The following PARP16 variants were observed in gnomAD, a reference collection of about 807,000 sequenced individuals.
PARP16 encodes protein mono-ADP-ribosyltransferase PARP16.
PARP16 carries 31 observed loss-of-function variants against 35.0 expected under a neutral mutation model. The ratio of observed to expected loss-of-function variants is 0.88; its 90% CI spans 0.66 to 1.19. The LOEUF (loss-of-function observed/expected upper bound fraction) is 1.19, where lower values mean the gene tolerates loss of function less well. Ranked by LOEUF, PARP16 falls within the 50% of genes most tolerant of loss-of-function variation. The pLI, the probability that PARP16 is intolerant of heterozygous loss-of-function variation, is 0.00. For synonymous variants in PARP16, 162 were observed against 169.5 expected (o/e 0.96, Z 0.34); for missense variants, 424 against 411.2 (o/e 1.03, Z -0.27).
At position 65,258,728 on chromosome 15, in the gene PARP16, G is replaced by C. The variant is rs1203200678; in HGVS notation, c.*679C>G. ...CAGCAGTTGGTAATTTTTGGAAAAA[G>C]AGCAGTTTTCTCATCTTGAGTTGCT... On this transcript the variant is annotated 3_prime_UTR_variant, in exon 6 of 6. Transcript: ENST00000649807. 2 of 152,558 alleles carry C rather than the reference G, an allele frequency of 1.3e-5. No homozygotes were observed. Among genetic ancestry groups the C allele is most frequent in the African/African-American group, 4.8e-5 (2 of 41,418 alleles). The allele number at this position is 152,558 out of a possible 1,614,324, so 9.5% of individuals were successfully genotyped here.
chr15:65,255,547 CAG>C (rs1413261901), downstream of PARP16, among the ~76,000 whole-genome samples: 3 of 152,004 alleles, frequency 2.0e-5, no homozygotes, highest in African/African-American at 2.4e-5. Flanking sequence ...CTCTAGACTC[CAG>C]AGTTTTCCTT....
At chr15:65,264,847 T>C (rs1019819232) in intron 3 of PARP16, among the ~76,000 whole-genome samples, 3 of 152,124 alleles carry the variant, frequency 2.0e-5, no homozygotes, top group South Asian at 4.1e-4. Context: ...AGAGGGGCCA[T>C]AGGAGGATTG....
rs866509840 is a variant in PARP16, at chr15:65,260,804, G to C, written c.833+81C>G. The C allele has an allele frequency of 4.6e-6, 6 of 1,304,300 alleles. No homozygotes were observed. In the Middle Eastern group the frequency reaches 1.1e-3, roughly 229 times the overall value. 80.8% of individuals were successfully genotyped at this position (1,304,300 alleles called of 1,614,324 possible). A position where few individuals can be genotyped will look rare whatever the true frequency, so the allele number is the denominator to read the frequency against. The stretch of plus-strand genomic sequence containing the variant: ...GACATCTAGCGGAGGTCTAAGGCTG[G>C]GGGAGGGGAGGCTGATACCTACAAC... On this transcript the variant is annotated intron_variant, in intron 5 of 5. Coordinates refer to ENST00000649807, the MANE Select transcript of PARP16 (RefSeq NM_001316943.2).
intron 3 of PARP16, 108 bp from the exon 4 acceptor site, chr15:65,263,428 A>AC: frequency 1.2e-6 from 1 of 866,126 alleles, no homozygotes; most frequent in Non-Finnish European, 1.7e-6. Flanking sequence ...AAAATGTACA[A>AC]CCCCCGCTTT....
chr15:65,265,189 G>A lies in PARP16; in HGVS notation c.519+1373C>T, dbSNP rs1179833840. Among the ~76,000 whole-genome samples the A allele has an allele frequency of 2.4e-4, 37 of 152,216 alleles. 1 individual carries two copies. Among genetic ancestry groups the A allele is most frequent in the Admixed American group, 2.4e-3 (37 of 15,280 alleles). On this transcript the variant is annotated intron_variant, in intron 3 of 5. Transcript: ENST00000649807. ...CATGGAGCCAGCTCCTCACAGACAAGGCAGATACTGCCATGACTGGGGGAA... is the reference window on the plus strand; with the variant it reads ...CATGGAGCCAGCTCCTCACAGACAAAGCAGATACTGCCATGACTGGGGGAA...
At chr15:65,272,666 C>T (rs537847153) in intron 1 of PARP16, among the ~76,000 whole-genome samples, 1 of 152,292 alleles carries the variant, frequency 6.6e-6, no homozygotes, top group South Asian at 2.1e-4. Flanking sequence ...CAAGTATGGC[C>T]AGACACCTGG....
At chr15:65,250,189 C>G (rs2089323636) in intron 2 of PARP16, among the ~76,000 whole-genome samples, 1 of 148,506 alleles carries the variant, frequency 6.7e-6, no homozygotes, top group Non-Finnish European at 1.5e-5. Context: ...GCGACCTCAG[C>G]TCACTGCAAC....
At chr15:65,274,975 G>A (rs2090203560) in intron 1 of PARP16, among the ~76,000 whole-genome samples, 1 of 152,106 alleles carries the variant, frequency 6.6e-6, no homozygotes, top group Non-Finnish European at 1.5e-5. Flanking sequence ...AGTTAGATGG[G>A]CGTGGTGGCA....
At chr15:65,277,874 A>T (rs2090302903) in intron 1 of PARP16, among the ~76,000 whole-genome samples, 1 of 152,236 alleles carries the variant, frequency 6.6e-6, no homozygotes, top group South Asian at 2.1e-4. Flanking sequence ...AAAGGTAGGG[A>T]GAAAGATGTA....
At chr15:65,238,035 C>T (rs1300139684) in intron 3 of PARP16, among the ~76,000 whole-genome samples, 7 of 152,176 alleles carry the variant, frequency 4.6e-5, no homozygotes, top group Non-Finnish European at 1.0e-4. Context: ...CCTGTAATCC[C>T]AGCACTTTGG....
chr15:65,286,096 A>T (rs1490617640), intron 1 of PARP16, among the ~76,000 whole-genome samples, 157 bp downstream of exon 1: 2 of 152,150 alleles, frequency 1.3e-5, no homozygotes, highest in African/African-American at 2.4e-5. Context: ...TTCTTAGCTC[A>T]TGGAAACCTT....
chr15:65,240,117 C>A (rs2089014789), intron 3 of PARP16, among the ~76,000 whole-genome samples: 1 of 150,852 alleles, frequency 6.6e-6, no homozygotes, highest in African/African-American at 2.4e-5. Context: ...GCATGAACCA[C>A]GACATGCTCG....
chr15:65,259,271 G>T lies in PARP16; in HGVS notation c.*136C>A. 2.6e-6 allele frequency: 2 copies of T among 767,844 alleles called. No homozygotes were observed. The highest frequency in any genetic ancestry group is 4.5e-6 in the Non-Finnish European group (2 of 442,396). 47.6% of individuals were successfully genotyped at this position (767,844 alleles called of 1,614,324 possible). On this transcript the variant is annotated 3_prime_UTR_variant, in exon 6 of 6. Coordinates refer to ENST00000649807, the MANE Select transcript of PARP16 (RefSeq NM_001316943.2). Reference sequence around the variant, plus strand: ...TCATCAAAGGCAATGGATACATTTAGGCCATATGAAAATTGTCCTGTGGTC... The same window carrying T: ...TCATCAAAGGCAATGGATACATTTATGCCATATGAAAATTGTCCTGTGGTC...
chr15:65,254,349 G>A (rs1280662331), downstream of PARP16, among the ~76,000 whole-genome samples: 2 of 152,190 alleles, frequency 1.3e-5, no homozygotes, highest in Admixed American at 6.5e-5. Flanking sequence ...TGCTCCAAAT[G>A]TCAGGTTGGA....
intron 3 of PARP16, among the ~76,000 whole-genome samples, chr15:65,247,522 T>C (rs2089240671): frequency 6.6e-6 from 1 of 152,128 alleles, no homozygotes; most frequent in Non-Finnish European, 1.5e-5. Context: ...ACAAGGCCTA[T>C]ACAATTAATG....
chr15:65,263,088 G>C (rs1567022871), intron 4 of PARP16, 61 bp downstream of exon 4: 1 of 1,499,382 alleles, frequency 6.7e-7, no homozygotes, highest in South Asian at 1.2e-5. Context: ...AGCTGGGCCA[G>C]CAAGAGCCTG....
intron 1 of PARP16, among the ~76,000 whole-genome samples, chr15:65,281,822 G>A (rs1455385806): frequency 6.6e-6 from 1 of 152,178 alleles, no homozygotes; most frequent in Non-Finnish European, 1.5e-5. Context: ...CAAGAGCTTG[G>A]TTCAGCAGTG....
intron 3 of PARP16, among the ~76,000 whole-genome samples, chr15:65,265,164 C>T (rs965537992): frequency 1.3e-5 from 2 of 152,244 alleles, no homozygotes; most frequent in African/African-American, 4.8e-5. Flanking sequence ...GCCCATGGCT[C>T]ATGGAGCCAG....
intron 3 of PARP16, among the ~76,000 whole-genome samples, chr15:65,236,765 G>A (rs1188370887): frequency 1.3e-5 from 2 of 152,174 alleles, no homozygotes; most frequent in South Asian, 2.1e-4. Context: ...GAGGTCAAGA[G>A]ATCGAGACCA....
Sources: gnomAD v4.1 joint callset for allele counts (sites outside exome capture counted in the v4.1 genomes callset) on GRCh38, gnomAD v4.1.1 for gene constraint, MANE v1.5 for transcripts, NCBI Gene and HGNC (gene_info 2026-07-23, HGNC 2026-07-21) for gene names.